The following KCNH5 variants were observed in gnomAD, a reference collection of about 807,000 sequenced individuals.
KCNH5 encodes the protein voltage-gated delayed rectifier potassium channel KCNH5.
Under a neutral mutation model 96.1 loss-of-function variants are expected in KCNH5, and 46 were observed. The observed-to-expected ratio is 0.48, with a 90% CI of 0.38 to 0.61. KCNH5 has a LOEUF of 0.61. Among genes scored for constraint, KCNH5 ranks in the 20% least tolerant of loss-of-function variants. KCNH5 has a pLI of 0.00. For synonymous variants in KCNH5, 439 were observed against 449.8 expected (o/e 0.98, Z 0.30); for missense variants, 907 against 1,225.8 (o/e 0.74, Z 3.88).
At chr14:62,866,485 T>C (rs1366875816) in intron 7 of KCNH5, among the ~76,000 whole-genome samples, 2 of 152,192 alleles carry the variant, frequency 1.3e-5, no homozygotes, top group African/African-American at 4.8e-5. Context: ...TTGACATGTA[T>C]GGAATAAAGC....
intron 6 of KCNH5, among the ~76,000 whole-genome samples, chr14:62,952,237 C>T (rs1347418091): frequency 3.3e-5 from 5 of 152,102 alleles, no homozygotes; most frequent in Non-Finnish European, 7.4e-5. Flanking sequence ...AACAAATTCC[C>T]ATTTCACTTT....
At chr14:62,939,280 T>C (rs1393810520) in intron 7 of KCNH5, among the ~76,000 whole-genome samples, 4 of 152,188 alleles carry the variant, frequency 2.6e-5, no homozygotes, top group African/African-American at 9.7e-5. Flanking sequence ...GGTTCTCTTC[T>C]CAGCCCCTCT....
intron 5 of KCNH5, among the ~76,000 whole-genome samples, chr14:62,982,602 ACT>A (rs1890630977): frequency 6.6e-6 from 1 of 152,186 alleles, no homozygotes. Flanking sequence ...TTAGCATGTA[ACT>A]CTGAGTTATA....
intron 7 of KCNH5, among the ~76,000 whole-genome samples, chr14:62,930,056 C>T (rs1425428829): frequency 1.3e-5 from 2 of 152,042 alleles, no homozygotes; most frequent in African/African-American, 4.8e-5. Flanking sequence ...AGGTTGATTC[C>T]ATGTCTTTGT....
intron 7 of KCNH5, among the ~76,000 whole-genome samples, chr14:62,880,839 A>G (rs1052337391): frequency 7.2e-5 from 11 of 152,220 alleles, no homozygotes; most frequent in Non-Finnish European, 1.3e-4. Flanking sequence ...TCTCAGAAAC[A>G]TAGACTTATT....
chr14:62,764,748 A>G (rs564152248), intron 10 of KCNH5, among the ~76,000 whole-genome samples: 2 of 152,324 alleles, frequency 1.3e-5, no homozygotes, highest in African/African-American at 4.8e-5. Context: ...AGCCAAATCA[A>G]GAATGCAATC....
chr14:62,731,252 G>T (rs1189048940), intron 10 of KCNH5, among the ~76,000 whole-genome samples: 5 of 151,898 alleles, frequency 3.3e-5, no homozygotes, highest in Non-Finnish European at 7.4e-5. Context: ...AGTGAGCCAA[G>T]ATCGCGCCAC....
chr14:62,769,145 G>A (rs148643325), intron 10 of KCNH5, among the ~76,000 whole-genome samples: 191 of 152,334 alleles, frequency 1.3e-3, no homozygotes, highest in Middle Eastern at 6.8e-3. Flanking sequence ...GGCCATGAGC[G>A]AAGCACCTTA....
At chr14:62,970,055 A>G (rs1890377034) in intron 6 of KCNH5, among the ~76,000 whole-genome samples, 1 of 149,440 alleles carries the variant, frequency 6.7e-6, no homozygotes, top group African/African-American at 2.4e-5. Context: ...AAAAAAAAAA[A>G]AAAAAAAAAA....
intron 6 of KCNH5, among the ~76,000 whole-genome samples, chr14:62,954,667 G>A (rs1890067615): frequency 6.6e-6 from 1 of 152,112 alleles, no homozygotes; most frequent in South Asian, 2.1e-4. Context: ...TCTCTACACT[G>A]ACTAGGTGTA....
intron 2 of KCNH5, among the ~76,000 whole-genome samples, chr14:63,015,550 TCATGGTA>T (rs1448413564): frequency 1.3e-5 from 2 of 151,984 alleles, no homozygotes; most frequent in Admixed American, 6.6e-5. Flanking sequence ...TATTCTTGGC[TCATGGTA>T]GATGGTAGGT....
At chr14:63,024,782 C>T (rs117391572) in intron 1 of KCNH5, among the ~76,000 whole-genome samples, 1,609 of 152,210 alleles carry the variant, frequency 0.011, 17 homozygotes, top group Middle Eastern at 0.017. Flanking sequence ...CAAAAATTCT[C>T]CCATCAAAGA....
chr14:62,977,896 G>T (rs973029531), intron 6 of KCNH5, among the ~76,000 whole-genome samples: 7 of 152,198 alleles, frequency 4.6e-5, no homozygotes, highest in African/African-American at 7.2e-5. Flanking sequence ...CTGTGAAAGA[G>T]GGAAGGAAGA....
chr14:62,752,365 A>T (rs1452502970), intron 10 of KCNH5, among the ~76,000 whole-genome samples: 1 of 152,012 alleles, frequency 6.6e-6, no homozygotes, highest in African/African-American at 2.4e-5. Context: ...CTTATGTACC[A>T]GCTTGAACGC....
intron 6 of KCNH5, among the ~76,000 whole-genome samples, chr14:62,952,920 A>G (rs1008883313): frequency 9.2e-5 from 14 of 152,144 alleles, no homozygotes; most frequent in African/African-American, 2.4e-4. Context: ...GTAGTTTGAC[A>G]CTACTTAAAT....
In KCNH5 at chr14:62,908,782, A is replaced by ATTTTTTTTTTTTTTTTTTTTTTTTT. The variant is rs71120241; in HGVS notation, c.1369+41326_1369+41350dup. Among the ~76,000 whole-genome samples, 6 of 23,718 alleles carry ATTTTTTTTTTTTTTTTTTTTTTTTT rather than the reference A, an allele frequency of 2.5e-4. 1 individual carries two copies. Among genetic ancestry groups the ATTTTTTTTTTTTTTTTTTTTTTTTT allele is most frequent in the African/African-American group, 3.6e-4 (2 of 5,540 alleles). 15.6% of individuals were successfully genotyped at this position (23,718 alleles called of 152,430 possible). A position where few individuals can be genotyped will look rare whatever the true frequency, so the allele number is the denominator to read the frequency against. Reference sequence around the variant, plus strand: ...TTGCCCTTTGTTGATTTTGCTTTGTATTTTTTTTTTTTTTTTTTTTTTTTT... The same window carrying ATTTTTTTTTTTTTTTTTTTTTTTTT: ...TTGCCCTTTGTTGATTTTGCTTTGTATTTTTTTTTTTTTTTTTTTTTTTTTTTTTTTTTTTTTTTTTTTTTTTTTT... On this transcript the variant is annotated intron_variant, in intron 7 of 10. Transcript: ENST00000322893.
At chr14:62,728,911 G>A (rs2139921902) in intron 10 of KCNH5, among the ~76,000 whole-genome samples, 1 of 152,294 alleles carries the variant, frequency 6.6e-6, no homozygotes, top group African/African-American at 2.4e-5. Flanking sequence ...CTAAGAGCAT[G>A]GGGCATTTAA....
intron 9 of KCNH5, among the ~76,000 whole-genome samples, chr14:62,801,940 C>T (rs1479522119): frequency 1.3e-5 from 2 of 152,224 alleles, no homozygotes; most frequent in Middle Eastern, 3.4e-3. Flanking sequence ...TGGCTCCTCT[C>T]TAAAGAAAAG....
intron 7 of KCNH5, among the ~76,000 whole-genome samples, chr14:62,916,815 G>C (rs1009885918): frequency 6.6e-6 from 1 of 152,156 alleles, no homozygotes; most frequent in South Asian, 2.1e-4. Flanking sequence ...TCTTCTCATC[G>C]TTTACGGCTC....
Sources: allele counts gnomAD v4.1 joint callset (sites outside exome capture counted in the v4.1 genomes callset), GRCh38; gene constraint gnomAD v4.1.1; transcripts MANE v1.5; gene names NCBI Gene and HGNC (gene_info 2026-07-23, HGNC 2026-07-21).